Variants in SGIP1 observed in about 807,000 individuals in gnomAD.
SGIP1 encodes SH3-containing GRB2-like protein 3-interacting protein 1.
A neutral mutation model predicts 107.5 loss-of-function variants in SGIP1; 38 were observed. The observed-to-expected ratio is 0.35, with a 90% CI of 0.27 to 0.46. SGIP1 has a LOEUF of 0.46. SGIP1 is among the 20% of genes least tolerant of loss of function. The pLI is 1.00. For synonymous variants in SGIP1, 365 were observed against 366.1 expected (o/e 1.00, Z 0.03); for missense variants, 929 against 1,019.5 (o/e 0.91, Z 1.21).
rs971095269 is a variant in SGIP1, at chr1:66,681,135, A to G, written c.815-734A>G. ...AAATTTTTAAATTATTTTCTTCTCC[A>G]TTAAGCAGGTATATATGTAACAGTT... On this transcript the variant is annotated intron_variant, in intron 14 of 24. Coordinates refer to ENST00000371037, the MANE Select transcript of SGIP1 (RefSeq NM_032291.4). Among the ~76,000 whole-genome samples, 3 of 152,330 alleles carry G rather than the reference A, an allele frequency of 2.0e-5. No homozygotes were observed. In the South Asian group the frequency reaches 6.2e-4, roughly 32 times the overall value.
intron 13 of SGIP1, among the ~76,000 whole-genome samples, 197 bp downstream of exon 13, chr1:66,677,293 T>A (rs1179403719): frequency 2.6e-5 from 4 of 152,216 alleles, no homozygotes; most frequent in African/African-American, 9.6e-5. Flanking sequence ...GAAAATAACA[T>A]AATAAAGCAA....
rs146951727 is a variant in SGIP1 at position 66,558,540 on chromosome 1, G to A, written c.10+24172G>A. 5.3e-5 allele frequency among the ~76,000 whole-genome samples: 8 copies of A among 151,982 alleles called. No individual in the cohort carries two copies. The East Asian group carries it at 7.8e-4, about 15-fold the overall frequency. Reference sequence around the variant, plus strand: ...ACCCTGAAAGATTATGTTGTATTGCGAGTATCATTAATTAATAATAGCTAA... The same window carrying A: ...ACCCTGAAAGATTATGTTGTATTGCAAGTATCATTAATTAATAATAGCTAA... On this transcript the variant is annotated intron_variant, in intron 1 of 24. Coordinates refer to ENST00000371037, the MANE Select transcript of SGIP1 (RefSeq NM_032291.4).
At chr1:66,558,791 T>G (rs543287649) in intron 1 of SGIP1, among the ~76,000 whole-genome samples, 11 of 149,838 alleles carry the variant, frequency 7.3e-5, no homozygotes, top group Non-Finnish European at 1.2e-4. Context: ...GTAGTTCTCT[T>G]TTTTTAGGAA....
At chr1:66,681,763 G>A (rs762898609) in intron 14 of SGIP1, 106 bp from the exon 15 acceptor site, 2 of 1,179,376 alleles carry the variant, frequency 1.7e-6, no homozygotes, top group African/African-American at 3.1e-5. Flanking sequence ...TATGCCCACT[G>A]AGGCACCTCA....
In SGIP1 at chr1:66,733,767, G is replaced by C; in HGVS notation, c.1918G>C (p.Ala640Pro). ...GAACAGTGATAATACACAAAATGAT[G>C]CCAATACCAAGGAATTCTGGGTAAA... ...LLCCDNTQND[A>P]NTKEFWVNMP... The change falls in exon 21 of 25, where the codon GCC (alanine) becomes CCC (proline). Residue 640 changes from alanine to proline, a missense_variant. Ala to Pro is a conservative substitution (Grantham distance 27). Transcript: ENST00000371037. The C allele has an allele frequency of 6.2e-7, 1 of 1,613,034 alleles. No individual in the cohort carries two copies. Among genetic ancestry groups the C allele is most frequent in the South Asian group, 1.1e-5 (1 of 90,932 alleles).
chr1:66,733,694 G>C, intron 20 of SGIP1, 54 bp from the exon 21 acceptor site: 1 of 1,578,784 alleles, frequency 6.3e-7, no homozygotes, highest in Admixed American at 1.8e-5. Context: ...CTTCGTGTAG[G>C]GTTTATATTT....
At chr1:66,655,625 C>T (rs2079597260) in intron 7 of SGIP1, among the ~76,000 whole-genome samples, 1 of 152,176 alleles carries the variant, frequency 6.6e-6, no homozygotes, top group South Asian at 2.1e-4. Context: ...TGCTCTTAGG[C>T]TACAAATATG....
intron 1 of SGIP1, among the ~76,000 whole-genome samples, chr1:66,578,132 G>A (rs553033627): frequency 6.6e-6 from 1 of 152,102 alleles, no homozygotes; most frequent in Admixed American, 6.6e-5. Context: ...GGGCATTATT[G>A]GGGGTAGAAA....
chr1:66,662,453 C>T (rs545713033), intron 8 of SGIP1, among the ~76,000 whole-genome samples: 1 of 152,268 alleles, frequency 6.6e-6, no homozygotes, highest in African/African-American at 2.4e-5. Context: ...ACTTTATTCA[C>T]ATTGACTAAG....
chr1:66,651,637 C>G (rs1017380168), intron 7 of SGIP1, among the ~76,000 whole-genome samples: 7 of 152,160 alleles, frequency 4.6e-5, no homozygotes, highest in African/African-American at 1.7e-4. Flanking sequence ...GACTTTCTCC[C>G]CACTGAGTTC....
At chr1:66,729,191 T>C in intron 19 of SGIP1, 73 bp from the exon 20 acceptor site, 1 of 1,553,910 alleles carries the variant, frequency 6.4e-7, no homozygotes, top group Admixed American at 1.8e-5. Context: ...TAAATTGTTT[T>C]TCACAGCAGT....
intron 3 of SGIP1, among the ~76,000 whole-genome samples, chr1:66,635,136 T>C (rs2075533114): frequency 6.6e-6 from 1 of 152,252 alleles, no homozygotes; most frequent in South Asian, 2.1e-4. Context: ...TAATGTACTG[T>C]TGTTTATTTA....
At chr1:66,655,602 T>C (rs1372447822) in intron 7 of SGIP1, among the ~76,000 whole-genome samples, 1 of 152,230 alleles carries the variant, frequency 6.6e-6, no homozygotes, top group Non-Finnish European at 1.5e-5. Context: ...CTAGGCTGCA[T>C]GGTATAGCCT....
intron 1 of SGIP1, among the ~76,000 whole-genome samples, chr1:66,571,474 A>T (rs911602656): frequency 6.6e-6 from 1 of 152,038 alleles, no homozygotes; most frequent in African/African-American, 2.4e-5. Flanking sequence ...TTGTGGTTGG[A>T]TAAGAACAAA....
At chr1:66,542,482 A>T (rs2055215380) in intron 1 of SGIP1, among the ~76,000 whole-genome samples, 1 of 152,090 alleles carries the variant, frequency 6.6e-6, no homozygotes, top group South Asian at 2.1e-4. Flanking sequence ...GCTGCCATTG[A>T]CCTTGAACAC....
At chr1:66,724,206 AGT>A (rs776664690) in intron 19 of SGIP1, among the ~76,000 whole-genome samples, 29 of 152,180 alleles carry the variant, frequency 1.9e-4, no homozygotes, top group Non-Finnish European at 3.8e-4. Flanking sequence ...GGGAAAATCC[AGT>A]GTATAAGTCA....
intron 8 of SGIP1, among the ~76,000 whole-genome samples, chr1:66,663,775 T>A (rs1298278727): frequency 4.6e-5 from 7 of 152,098 alleles, no homozygotes; most frequent in African/African-American, 1.7e-4. Flanking sequence ...AGAAAAAAAA[T>A]TAAACCTTGA....
intron 7 of SGIP1, among the ~76,000 whole-genome samples, chr1:66,659,950 AAAAGAAAG>A (rs71058469): frequency 0.12 from 5,027 of 42,906 alleles, 341 homozygotes; most frequent in South Asian, 0.19. Flanking sequence ...AAAAGAAAGA[AAAAGAAAG>A]AAAGAAAGAA....
Position 66,636,024 on chromosome 1 carries a change from A to C in SGIP1, c.171+9A>C. Reference sequence around the variant, plus strand: ...GAGGAAAAAAAGTTTCGGTAAGGAAACAGATTTTAGTTTAAAATTTCCAAA... The same window carrying C: ...GAGGAAAAAAAGTTTCGGTAAGGAACCAGATTTTAGTTTAAAATTTCCAAA... On this transcript the variant is annotated intron_variant, in intron 4 of 24. Coordinates refer to ENST00000371037, the MANE Select transcript of SGIP1 (RefSeq NM_032291.4). 1 of 1,612,770 alleles carries C rather than the reference A, an allele frequency of 6.2e-7. No individual in the cohort carries two copies. The highest frequency in any genetic ancestry group is 8.5e-7 in the Non-Finnish European group (1 of 1,179,316).
Sources: allele counts gnomAD v4.1 joint callset (sites outside exome capture counted in the v4.1 genomes callset), GRCh38; gene constraint gnomAD v4.1.1; transcripts MANE v1.5; gene names NCBI Gene and HGNC (gene_info 2026-07-23, HGNC 2026-07-21).